Variants in LHFPL3 observed in about 807,000 individuals in gnomAD.
LHFPL3 encodes LHFPL tetraspan subfamily member 3 protein.
In LHFPL3, 5 loss-of-function variants were observed where a neutral mutation model predicts 19.3. The observed-to-expected ratio is 0.26, with a 90% CI of 0.14 to 0.54. The LOEUF (loss-of-function observed/expected upper bound fraction) is 0.54. Ranked by LOEUF, LHFPL3 falls within the 20% of genes least tolerant of loss-of-function variation. LHFPL3 has a pLI of 0.94. For missense variants in LHFPL3, 249 were observed against 307.4 expected, an observed-to-expected ratio of 0.81 and a Z score of 1.42; for synonymous variants, 133 against 126.2, an observed-to-expected ratio of 1.05 and a Z score of -0.36.
chr7:104,722,525 C>G (rs1005590832), intron 1 of LHFPL3, among the ~76,000 whole-genome samples: 4 of 152,138 alleles, frequency 2.6e-5, no homozygotes, highest in African/African-American at 9.7e-5. Context: ...CACTCTAAAC[C>G]ACAGTATTTC....
chr7:104,802,876 G>A (rs1048784815), intron 2 of LHFPL3: 4 of 152,000 alleles, frequency 2.6e-5, no homozygotes, highest in Non-Finnish European at 5.9e-5. Context: ...CCCTCCTCTC[G>A]GTCTTCTCTT....
chr7:104,606,692 A>G (rs1791109280), intron 1 of LHFPL3, among the ~76,000 whole-genome samples: 1 of 152,210 alleles, frequency 6.6e-6, no homozygotes, highest in African/African-American at 2.4e-5. Flanking sequence ...GGAGAGTTTA[A>G]CTAATGTGAG....
chr7:104,357,043 T>C (rs1001904915), intron 1 of LHFPL3, among the ~76,000 whole-genome samples: 1 of 152,104 alleles, frequency 6.6e-6, no homozygotes, highest in Non-Finnish European at 1.5e-5. Flanking sequence ...CTCAAACTAT[T>C]GAGTAAATAG....
chr7:104,693,793 G>GTT (rs112118633), intron 1 of LHFPL3, among the ~76,000 whole-genome samples: 3,361 of 146,560 alleles, frequency 0.023, 134 homozygotes, highest in African/African-American at 0.077. Context: ...CTAATTGTGG[G>GTT]GTTTTTTTTT....
chr7:104,471,448 T>C (rs1207068383), intron 1 of LHFPL3, among the ~76,000 whole-genome samples: 2 of 152,210 alleles, frequency 1.3e-5, no homozygotes. Context: ...ATTTTAAGCC[T>C]CATCTGCAAT....
rs1185823728 is a variant in LHFPL3 at position 104,562,873 on chromosome 7, T to C, written c.446-173802T>C. Among the ~76,000 whole-genome samples, 347 of 151,816 alleles carry C rather than the reference T, an allele frequency of 2.3e-3. 1 individual carries two copies. The highest frequency in any genetic ancestry group is 3.8e-3 in the Non-Finnish European group (257 of 67,802). Reference sequence around the variant, plus strand: ...AGATGGGTTTTTGGTGTGGATGTCCTTTCTGTTTGTTAGTTTTCCTTCTAA... The same window carrying C: ...AGATGGGTTTTTGGTGTGGATGTCCCTTCTGTTTGTTAGTTTTCCTTCTAA... On this transcript the variant is annotated intron_variant, in intron 1 of 2. Transcript: ENST00000424859.
chr7:104,588,165 T>G (rs879742876), intron 1 of LHFPL3, among the ~76,000 whole-genome samples: 39 of 152,080 alleles, frequency 2.6e-4, no homozygotes, highest in Non-Finnish European at 4.4e-4. Context: ...CATTGCTTTT[T>G]GTGTTTTAGA....
intron 1 of LHFPL3, among the ~76,000 whole-genome samples, chr7:104,543,563 A>G (rs1584391435): frequency 2.6e-5 from 4 of 152,008 alleles, no homozygotes; most frequent in Non-Finnish European, 5.9e-5. Flanking sequence ...GCACATATAC[A>G]CCATGGAATA....
intron 1 of LHFPL3, among the ~76,000 whole-genome samples, chr7:104,370,876 C>G (rs952104837): frequency 6.6e-6 from 1 of 152,010 alleles, no homozygotes; most frequent in Non-Finnish European, 1.5e-5. Context: ...GAGCAAAACT[C>G]CATCTCAAAA....
chr7:104,729,025 A>C (rs1038292656), intron 1 of LHFPL3, among the ~76,000 whole-genome samples: 1 of 152,230 alleles, frequency 6.6e-6, no homozygotes, highest in African/African-American at 2.4e-5. Context: ...ACCTCTTCCT[A>C]TAAAATGTAT....
intron 1 of LHFPL3, among the ~76,000 whole-genome samples, chr7:104,410,374 C>T (rs1791513381): frequency 6.6e-6 from 1 of 152,176 alleles, no homozygotes; most frequent in Non-Finnish European, 1.5e-5. Flanking sequence ...CTCAGGTGAT[C>T]CACCCGCCTT....
chr7:104,336,031 A>C (rs1273497468), intron 1 of LHFPL3, among the ~76,000 whole-genome samples: 1 of 152,190 alleles, frequency 6.6e-6, no homozygotes, highest in African/African-American at 2.4e-5. Flanking sequence ...TGAGGGCTTA[A>C]TCTCGTGATA....
chr7:104,614,657 T>TC (rs756087377), intron 1 of LHFPL3, among the ~76,000 whole-genome samples: 2,172 of 81,828 alleles, frequency 0.027, 62 homozygotes, highest in Middle Eastern at 0.04. Context: ...TCTTCTCTCC[T>TC]TCCTTCCTTC....
intron 1 of LHFPL3, among the ~76,000 whole-genome samples, chr7:104,422,201 A>G (rs1791745478): frequency 6.6e-6 from 1 of 152,152 alleles, no homozygotes; most frequent in South Asian, 2.1e-4. Context: ...TCTCTACTAA[A>G]AATATAAAAA....
chr7:104,861,404 T>C (rs1010381279), intron 2 of LHFPL3, among the ~76,000 whole-genome samples: 29 of 152,172 alleles, frequency 1.9e-4, no homozygotes, highest in Non-Finnish European at 4.4e-5. Context: ...TGTGCCTGCA[T>C]CAGTCAGATA....
intron 2 of LHFPL3, among the ~76,000 whole-genome samples, chr7:104,903,464 T>A (rs1269185016): frequency 9.3e-6 from 1 of 107,832 alleles, no homozygotes; most frequent in African/African-American, 6.6e-5. Context: ...TAGTTATACT[T>A]TTTTTTTTTT....
chr7:104,365,746 AGT>A (rs1790474757), intron 1 of LHFPL3, among the ~76,000 whole-genome samples: 1 of 135,398 alleles, frequency 7.4e-6, no homozygotes, highest in African/African-American at 2.8e-5. Flanking sequence ...GCGCCACTGC[AGT>A]CCGCAGTCCG....
intron 1 of LHFPL3, among the ~76,000 whole-genome samples, chr7:104,586,128 A>G (rs1790571379): frequency 6.6e-6 from 1 of 152,176 alleles, no homozygotes; most frequent in African/African-American, 2.4e-5. Context: ...GGGAAAGTGA[A>G]CCATGAAAAT....
chr7:104,844,180 G>A (rs762597825), intron 2 of LHFPL3, among the ~76,000 whole-genome samples: 9 of 152,182 alleles, frequency 5.9e-5, no homozygotes, highest in African/African-American at 2.2e-4. Flanking sequence ...AAGTTCACCC[G>A]CCTGCATGAC....
Sources: allele counts gnomAD v4.1 joint callset (sites outside exome capture counted in the v4.1 genomes callset), GRCh38; gene constraint gnomAD v4.1.1; transcripts MANE v1.5; gene names NCBI Gene and HGNC (gene_info 2026-07-23, HGNC 2026-07-21).